CREB1: variants seen among roughly 807,000 people sequenced by gnomAD.
CREB1 encodes cyclic AMP-responsive element-binding protein 1.
CREB1 carries 2 observed loss-of-function variants against 42.0 expected under a neutral mutation model. The observed-to-expected ratio is 0.05, with a 90% CI of 0.02 to 0.15. The LOEUF is 0.15. CREB1 is among the 10% of genes least tolerant of loss of function. The pLI, the probability that CREB1 is intolerant of heterozygous loss-of-function variation, is 1.00. For synonymous variants in CREB1, 123 were observed against 139.9 expected, an observed-to-expected ratio of 0.88 and a Z score of 0.85; for missense variants, 199 against 388.9, an observed-to-expected ratio of 0.51 and a Z score of 4.11.
chr2:207,605,837 A>C lies in CREB1; in HGVS notation c.*8779A>C. 6.6e-6 allele frequency among the ~76,000 whole-genome samples: 1 copy of C among 152,204 alleles called. No individual in the cohort carries two copies. The highest frequency in any genetic ancestry group is 1.9e-4 in the East Asian group (1 of 5,202). On this transcript the variant is annotated 3_prime_UTR_variant, in exon 8 of 8. Transcript: ENST00000353267. ...ACTGAGAAGTAAAAGTTATTTCTGA[A>C]TTATGGTTTTCTTCATATTTGGATA... is the stretch of plus-strand genomic sequence containing the variant.
At chr2:207,577,825 A>C in intron 7 of CREB1, 170 bp downstream of exon 7, 1 of 716,912 alleles carries the variant, frequency 1.4e-6, no homozygotes, top group Non-Finnish European at 2.3e-6. Context: ...CTGCACTTAT[A>C]AGATAGCTGT....
At chr2:207,551,425 C>T (rs188939903) in intron 1 of CREB1, among the ~76,000 whole-genome samples, 3 of 152,236 alleles carry the variant, frequency 2.0e-5, no homozygotes, top group Non-Finnish European at 4.4e-5. Context: ...ATAACTCTAA[C>T]GACAGTTATG....
At chr2:207,559,601 C>T (rs1456315818) in intron 2 of CREB1, among the ~76,000 whole-genome samples, 2 of 152,306 alleles carry the variant, frequency 1.3e-5, no homozygotes, top group East Asian at 3.9e-4. Context: ...TAAATAACAT[C>T]TGATAGACAT....
At chr2:207,583,384 G>A (rs1383441514) in intron 7 of CREB1, among the ~76,000 whole-genome samples, 2 of 152,168 alleles carry the variant, frequency 1.3e-5, no homozygotes, top group African/African-American at 4.8e-5. Flanking sequence ...TTCTCCGACA[G>A]AAACTTGGCT....
At chr2:207,544,576 C>G (rs779256789) in intron 1 of CREB1, among the ~76,000 whole-genome samples, 39 of 152,102 alleles carry the variant, frequency 2.6e-4, no homozygotes, top group Non-Finnish European at 4.3e-4. Flanking sequence ...CTTTTAAGTT[C>G]AGGGGTACAT....
intron 3 of CREB1, among the ~76,000 whole-genome samples, chr2:207,565,180 A>G (rs980187429): frequency 4.6e-4 from 70 of 152,108 alleles, no homozygotes; most frequent in African/African-American, 1.4e-3. Flanking sequence ...CATTTATGTT[A>G]TAATTTGATG....
rs1316157251 is a variant in CREB1, at chr2:207,598,598, G to C, written c.*1540G>C. 1 of 172,828 alleles carries C rather than the reference G, an allele frequency of 5.8e-6. No individual in the cohort carries two copies. Among genetic ancestry groups the C allele is most frequent in the Non-Finnish European group, 1.3e-5 (1 of 79,950 alleles). 10.7% of individuals were successfully genotyped at this position (172,828 alleles called of 1,614,324 possible). ...GCAGTGGCTCACGCCTGTAATCCCA[G>C]CACTTTGGGAGGCCAAGGTGGGTGG... On this transcript the variant is annotated 3_prime_UTR_variant, in exon 8 of 8. Transcript: ENST00000353267.
At chr2:207,592,918 G>GAAAAAAAAAAAGAAAAAAAAT (rs1034475253) in intron 7 of CREB1, among the ~76,000 whole-genome samples, 1 of 151,822 alleles carries the variant, frequency 6.6e-6, no homozygotes, top group Admixed American at 6.6e-5. Flanking sequence ...TCTCAAAAAA[G>GAAAAAAAAAAAGAAAAAAAAT]AAAAGAAAAT....
chr2:207,567,356 C>T, intron 3 of CREB1, 107 bp from the exon 4 acceptor site: 4 of 673,296 alleles, frequency 5.9e-6, no homozygotes, highest in Non-Finnish European at 9.7e-6. Flanking sequence ...TGATTTTTTT[C>T]TACTGAAGCA....
chr2:207,563,395 A>G (rs973719838), intron 3 of CREB1, among the ~76,000 whole-genome samples: 5 of 152,218 alleles, frequency 3.3e-5, no homozygotes, highest in African/African-American at 1.2e-4. Context: ...TTAAAAATAC[A>G]AAATTGTAAC....
chr2:207,556,064 T>G (rs913778551), intron 2 of CREB1, among the ~76,000 whole-genome samples: 4 of 152,168 alleles, frequency 2.6e-5, no homozygotes, highest in African/African-American at 9.7e-5. Flanking sequence ...CAACTGCTTT[T>G]TTTATTTTTT....
intron 1 of CREB1, among the ~76,000 whole-genome samples, chr2:207,538,209 T>G (rs1307751172): frequency 6.6e-6 from 1 of 151,854 alleles, no homozygotes; most frequent in African/African-American, 2.4e-5. Context: ...TCATTTGTCT[T>G]CTAGGCTACC....
At chr2:207,533,631 A>G (rs1157474108) in intron 1 of CREB1, among the ~76,000 whole-genome samples, 1 of 152,164 alleles carries the variant, frequency 6.6e-6, no homozygotes, top group Non-Finnish European at 1.5e-5. Context: ...TGTAACTTTG[A>G]TGGCTTCTTT....
At chr2:207,577,289 G>C in intron 6 of CREB1, 1 of 1,039,808 alleles carries the variant, frequency 9.6e-7, no homozygotes, top group Non-Finnish European at 1.3e-6. Flanking sequence ...GTAAGATCCA[G>C]CGGACATAGG....
At chr2:207,575,576 A>C in intron 6 of CREB1, 122 bp downstream of exon 6, 1 of 819,952 alleles carries the variant, frequency 1.2e-6, no homozygotes. Flanking sequence ...ACATTTCTTC[A>C]ATATTGATAG....
intron 7 of CREB1, among the ~76,000 whole-genome samples, chr2:207,591,355 T>C (rs1259244026): frequency 7.2e-5 from 11 of 152,246 alleles, no homozygotes; most frequent in Non-Finnish European, 1.2e-4. Flanking sequence ...AATGTCTTTC[T>C]TTATCCCTGA....
chr2:207,596,861 A>T, intron 7 of CREB1, 53 bp from the exon 8 acceptor site: 1 of 1,574,402 alleles, frequency 6.4e-7, no homozygotes, highest in South Asian at 1.2e-5. Context: ...GTAATCCAAA[A>T]TAAATATGTG....
chr2:207,575,466 C>A lies in CREB1; in HGVS notation c.688+12C>A. Reference sequence around the variant, plus strand: ...AGTTGTTGTTCAAGGTAAGGGAATTCAGAATTCACAGGTGTGGTAAATTCT... The same window carrying A: ...AGTTGTTGTTCAAGGTAAGGGAATTAAGAATTCACAGGTGTGGTAAATTCT... On this transcript the variant is annotated intron_variant, in intron 6 of 7. Coordinates refer to ENST00000353267, the MANE Select transcript of CREB1 (RefSeq NM_004379.5). 6.3e-7 allele frequency: 1 copy of A among 1,590,500 alleles called. No homozygotes were observed. Among genetic ancestry groups the A allele is most frequent in the South Asian group, 1.1e-5 (1 of 88,386 alleles).
chr2:207,559,775 A>G (rs1028837862), intron 2 of CREB1, among the ~76,000 whole-genome samples: 1 of 152,192 alleles, frequency 6.6e-6, no homozygotes, highest in East Asian at 1.9e-4. Context: ...CAAGGATAGT[A>G]TATCTGTTGA....
Sources: allele counts gnomAD v4.1 joint callset (sites outside exome capture counted in the v4.1 genomes callset), GRCh38; gene constraint gnomAD v4.1.1; transcripts MANE v1.5; gene names NCBI Gene and HGNC (gene_info 2026-07-23, HGNC 2026-07-21).